The following MAPK6 variants were observed in gnomAD, a reference collection of about 807,000 sequenced individuals.
MAPK6 encodes the protein ERK-3.
A neutral mutation model predicts 59.3 loss-of-function variants in MAPK6; 19 were observed. That is an observed-to-expected ratio of 0.32 (90% CI 0.22 to 0.47). The LOEUF is 0.47. MAPK6 is among the 20% of genes least tolerant of loss of function. MAPK6 has a pLI of 1.00. For synonymous variants in MAPK6, 316 were observed against 290.3 expected (o/e 1.09, Z -0.90); for missense variants, 724 against 847.9 (o/e 0.85, Z 1.81).
chr15:51,983,220 C>T (rs747203885), exon 2 of MAPK6, among the ~76,000 whole-genome samples: 2 of 152,140 alleles, frequency 1.3e-5, no homozygotes, highest in African/African-American at 4.8e-5. Context: ...GGCGTGGTGC[C>T]TCATGCCTGT....
intron 3 of MAPK6, among the ~76,000 whole-genome samples, chr15:52,010,152 C>T (rs1179531909): frequency 6.6e-6 from 1 of 152,090 alleles, no homozygotes; most frequent in Non-Finnish European, 1.5e-5. Flanking sequence ...AAAGTGTTTA[C>T]CTGAAACGGG....
At chr15:52,016,506 G>T (rs1332271063), upstream of MAPK6, among the ~76,000 whole-genome samples, 2 of 152,074 alleles carry the variant, frequency 1.3e-5, no homozygotes, top group Non-Finnish European at 1.5e-5. Context: ...GCCTAAAAAG[G>T]TGGAGTTGCA....
intron 3 of MAPK6, among the ~76,000 whole-genome samples, chr15:52,055,825 A>ATTTTTAAATGTTTGTT (rs1566912566): frequency 6.6e-6 from 1 of 152,150 alleles, no homozygotes; most frequent in Admixed American, 6.5e-5. Context: ...GTATTTGTGT[A>ATTTTTAAATGTTTGTT]TTTTTAAATG....
intron 3 of MAPK6, among the ~76,000 whole-genome samples, chr15:52,007,228 C>T (rs1295905226): frequency 6.6e-6 from 1 of 152,134 alleles, no homozygotes; most frequent in Non-Finnish European, 1.5e-5. Flanking sequence ...CCCCCAAGGG[C>T]AGAGATATTC....
At chr15:52,057,341 G>A (rs2032022270) in intron 3 of MAPK6, 1 of 152,156 alleles carries the variant, frequency 6.6e-6, no homozygotes, top group Non-Finnish European at 1.5e-5. Context: ...CAAACCCTTT[G>A]TTCTAGTACC....
intron 1 of MAPK6, among the ~76,000 whole-genome samples, chr15:52,024,878 C>CTTTTTTTTTT (rs35983896): frequency 1.2e-5 from 1 of 84,150 alleles, no homozygotes. Flanking sequence ...CATACACTGC[C>CTTTTTTTTTT]TTTTTTTTTT....
chr15:52,054,712 G>A (rs2031900621), intron 3 of MAPK6, among the ~76,000 whole-genome samples: 1 of 124,162 alleles, frequency 8.1e-6, no homozygotes, highest in Non-Finnish European at 1.7e-5. Flanking sequence ...AGGGTAAAGT[G>A]TACATACATA....
At chr15:51,996,118 A>G (rs2057223487) in intron 2 of MAPK6, among the ~76,000 whole-genome samples, 2 of 152,124 alleles carry the variant, frequency 1.3e-5, no homozygotes, top group African/African-American at 2.4e-5. Context: ...TGTATTATCC[A>G]TTTACCTTCA....
intron 2 of MAPK6, among the ~76,000 whole-genome samples, chr15:51,998,712 A>C (rs1452242434): frequency 5.7e-4 from 1 of 1,754 alleles, no homozygotes; most frequent in African/African-American, 7.2e-4. Flanking sequence ...TTTTTTTGAG[A>C]CGGAGTCTCG....
Position 52,008,636 on chromosome 15 carries a change from T to C in MAPK6, c.-632+4234T>C, listed in dbSNP as rs573372499. Among the ~76,000 whole-genome samples, 5 of 152,250 alleles carry C rather than the reference T, an allele frequency of 3.3e-5. No homozygotes were observed. The East Asian group carries it at 7.7e-4, about 23-fold the overall frequency. On this transcript the variant is annotated intron_variant, in intron 3 of 7. Coordinates refer to the MAPK6 transcript ENST00000691380. The stretch of plus-strand genomic sequence containing the variant: ...TCACTACACAACACGAGTTCAAAGA[T>C]AAAATCATCAGGAATGTCAAGATGG...
intron 1 of MAPK6, among the ~76,000 whole-genome samples, chr15:52,026,509 C>G (rs1225854369): frequency 6.6e-6 from 1 of 152,044 alleles, no homozygotes; most frequent in East Asian, 1.9e-4. Context: ...CCAGGCTGGT[C>G]TTGAACTCCT....
chr15:52,030,911 C>T (rs534012404), intron 1 of MAPK6, among the ~76,000 whole-genome samples: 7 of 151,820 alleles, frequency 4.6e-5, no homozygotes. Flanking sequence ...CGTGCCTCAG[C>T]CTCCTGAGTG....
chr15:52,004,833 G>C (rs1244690562), intron 3 of MAPK6, among the ~76,000 whole-genome samples: 1 of 152,152 alleles, frequency 6.6e-6, no homozygotes, highest in Non-Finnish European at 1.5e-5. Flanking sequence ...CTGCATTGGG[G>C]ATTAAGTTGC....
chr15:52,008,588 G>A (rs1314097571), intron 3 of MAPK6, among the ~76,000 whole-genome samples: 3 of 152,158 alleles, frequency 2.0e-5, no homozygotes, highest in Non-Finnish European at 2.9e-5. Context: ...GCTCACCTGC[G>A]TGCTCCACTG....
At chr15:51,984,889 A>T (rs183388905) in intron 2 of MAPK6, among the ~76,000 whole-genome samples, 1 of 152,312 alleles carries the variant, frequency 6.6e-6, no homozygotes, top group Non-Finnish European at 1.5e-5. Context: ...GAAGACTGTC[A>T]TGTTCCACTT....
intron 1 of MAPK6, among the ~76,000 whole-genome samples, chr15:51,978,374 T>C (rs923402315): frequency 1.3e-5 from 2 of 151,908 alleles, no homozygotes; most frequent in Non-Finnish European, 2.9e-5. Context: ...CCTCAGGTGA[T>C]CCACCGGCCT....
chr15:51,989,900 A>T (rs2057202711), intron 2 of MAPK6, among the ~76,000 whole-genome samples: 1 of 152,208 alleles, frequency 6.6e-6, no homozygotes, highest in African/African-American at 2.4e-5. Context: ...CATCACACCC[A>T]GTTTAAAATT....
chr15:51,997,924 T>C (rs1457816311), intron 2 of MAPK6, among the ~76,000 whole-genome samples: 1 of 116,564 alleles, frequency 8.6e-6, no homozygotes, highest in East Asian at 2.5e-4. Context: ...TCTTTCTTTC[T>C]CTTTCTTTCT....
intron 3 of MAPK6, among the ~76,000 whole-genome samples, chr15:52,007,759 AT>A (rs1374374217): frequency 6.6e-6 from 1 of 151,436 alleles, no homozygotes; most frequent in African/African-American, 2.4e-5. Flanking sequence ...CATAATTTCT[AT>A]TTTTTAGCTC....
Sources: allele counts gnomAD v4.1 joint callset (sites outside exome capture counted in the v4.1 genomes callset), GRCh38; gene constraint gnomAD v4.1.1; transcripts MANE v1.5; gene names NCBI Gene and HGNC (gene_info 2026-07-23, HGNC 2026-07-21).